Variants in ENPP3 observed in about 807,000 individuals in gnomAD.
The protein encoded by ENPP3 is ectonucleotide pyrophosphatase/phosphodiesterase 3, also known as ectonucleotide pyrophosphatase/phosphodiesterase family member 3.
Under a neutral mutation model 117.8 loss-of-function variants are expected in ENPP3, and 104 were observed. The observed-to-expected ratio is 0.88, with a 90% confidence interval of 0.75 to 1.04. ENPP3 has a LOEUF of 1.04. ENPP3 is among the 50% of genes least tolerant of loss of function. The pLI is 0.00. For synonymous variants in ENPP3, 380 were observed against 349.9 expected (o/e 1.09, Z -0.96); for missense variants, 1,026 against 1,051.9 (o/e 0.98, Z 0.34).
chr6:131,743,104 G>C (rs1448415871), intron 24 of ENPP3, among the ~76,000 whole-genome samples: 2 of 152,176 alleles, frequency 1.3e-5, no homozygotes, highest in East Asian at 3.8e-4. Context: ...AAGAGTAGCT[G>C]TCAATTAGAT....
At chr6:131,734,224 G>A (rs1431483031) in intron 21 of ENPP3, among the ~76,000 whole-genome samples, 1 of 152,146 alleles carries the variant, frequency 6.6e-6, no homozygotes, top group Non-Finnish European at 1.5e-5. Context: ...ATGCTGTAGG[G>A]CTAACAGTTT....
intron 15 of ENPP3, chr6:131,700,926 A>G: frequency 1.4e-6 from 1 of 726,050 alleles, no homozygotes; most frequent in Non-Finnish European, 2.1e-6. Context: ...AAGTAACACA[A>G]GATGAATCAA....
intron 18 of ENPP3, among the ~76,000 whole-genome samples, chr6:131,723,186 T>G (rs1316625020): frequency 6.6e-6 from 1 of 152,204 alleles, no homozygotes; most frequent in Non-Finnish European, 1.5e-5. Flanking sequence ...TAAAAACACC[T>G]GCTGCCTCAG....
chr6:131,674,081 A>G, intron 7 of ENPP3, 81 bp from the exon 8 acceptor site: 1 of 834,442 alleles, frequency 1.2e-6, no homozygotes, highest in Non-Finnish European at 1.9e-6. Context: ...AGGTATGAGT[A>G]ATAGATCGTG....
chr6:131,689,013 C>G (rs1297674941), intron 14 of ENPP3, among the ~76,000 whole-genome samples: 1 of 151,884 alleles, frequency 6.6e-6, no homozygotes, highest in African/African-American at 2.4e-5. Context: ...TTGCAGTGAG[C>G]TGAGATCACG....
intron 15 of ENPP3, among the ~76,000 whole-genome samples, chr6:131,696,792 T>C (rs1779417027): frequency 7.3e-6 from 1 of 137,076 alleles, no homozygotes; most frequent in African/African-American, 2.9e-5. Flanking sequence ...TTTTTTGAAA[T>C]GGAGTCTCGC....
At chr6:131,689,395 T>C (rs1396321114) in intron 14 of ENPP3, among the ~76,000 whole-genome samples, 1 of 152,086 alleles carries the variant, frequency 6.6e-6, no homozygotes, top group East Asian at 1.9e-4. Flanking sequence ...CTGAAAATCC[T>C]AGGGCCCTTA....
intron 5 of ENPP3, 141 bp from the exon 6 acceptor site, chr6:131,658,182 T>C: frequency 7.2e-6 from 4 of 558,498 alleles, no homozygotes; most frequent in Non-Finnish European, 1.2e-5. Flanking sequence ...ATTAAAAAAA[T>C]AAAAAATGAC....
chr6:131,717,955 G>C (rs1336423299), intron 15 of ENPP3, among the ~76,000 whole-genome samples: 2 of 152,180 alleles, frequency 1.3e-5, no homozygotes, highest in Non-Finnish European at 2.9e-5. Context: ...ATGCTGTACA[G>C]GTTTGTAGCT....
chr6:131,658,829 C>T lies in ENPP3; in HGVS notation c.562+409C>T, dbSNP rs142416559. Among the ~76,000 whole-genome samples the T allele has an allele frequency of 1.1e-4, 16 of 152,220 alleles. No homozygotes were observed. The East Asian group carries it at 2.5e-3, about 24-fold the overall frequency. Reference sequence around the variant, plus strand: ...ATCCAGCACCTCCCACCACTTCAGCCGATATCAAGTCCAGGATCTATTTCC... The same window carrying T: ...ATCCAGCACCTCCCACCACTTCAGCTGATATCAAGTCCAGGATCTATTTCC... On this transcript the variant is annotated intron_variant, in intron 6 of 24. Transcript: ENST00000357639.
intron 20 of ENPP3, among the ~76,000 whole-genome samples, chr6:131,729,645 G>A (rs967889965): frequency 6.6e-6 from 1 of 151,830 alleles, no homozygotes; most frequent in African/African-American, 2.4e-5. Context: ...ATGTGTTGGA[G>A]GCGGGGTGGT....
At chr6:131,670,168 A>T (rs1001318869) in intron 6 of ENPP3, among the ~76,000 whole-genome samples, 1 of 152,236 alleles carries the variant, frequency 6.6e-6, no homozygotes, top group African/African-American at 2.4e-5. Context: ...ACTGTACTAA[A>T]AGTAAGAAGC....
At chr6:131,721,401 G>A (rs1421290528) in intron 17 of ENPP3, among the ~76,000 whole-genome samples, 1 of 152,148 alleles carries the variant, frequency 6.6e-6, no homozygotes, top group South Asian at 2.1e-4. Context: ...TGTTCCACAT[G>A]GCTAGGTTTA....
At chr6:131,692,800 TATATATGATATATG>T (rs527601184) in intron 14 of ENPP3, among the ~76,000 whole-genome samples, 1 of 143,832 alleles carries the variant, frequency 7.0e-6, no homozygotes, top group Non-Finnish European at 1.5e-5. Flanking sequence ...AATATGTAGT[TATATATGATATATG>T]ATATATGATA....
At position 131,676,783 on chromosome 6, in the gene ENPP3, A is replaced by G; in HGVS notation, c.920A>G (p.Asp307Gly). The G allele has an allele frequency of 6.2e-7, 1 of 1,610,874 alleles. No homozygotes were observed. Residue 307 changes from aspartate to glycine, a missense_variant, in exon 10 of 25, where the codon GAC (aspartate) becomes GGC (glycine). Asp to Gly is a moderately conservative substitution (Grantham distance 94, BLOSUM62 -1). Transcript: ENST00000357639. ...ATTTCTACACTGTTAAAATGGCTGG[A>G]CCTGCCCAAAGCTGAAAGGTAATGT... ...ERISTLLKWLDLPKAERPRFY... is the reference protein window; with the variant it reads ...ERISTLLKWLGLPKAERPRFY...
At chr6:131,657,872 T>G (rs1347108375) in intron 5 of ENPP3, among the ~76,000 whole-genome samples, 1 of 152,052 alleles carries the variant, frequency 6.6e-6, no homozygotes, top group Non-Finnish European at 1.5e-5. Context: ...ATAACAGAAG[T>G]AAAATTTTAG....
At chr6:131,701,119 C>A (rs1779517432) in intron 15 of ENPP3, 7 of 635,546 alleles carry the variant, frequency 1.1e-5, no homozygotes, top group Non-Finnish European at 1.6e-5. Context: ...ATCATGCGGC[C>A]CGCAAAGGAG....
At chr6:131,670,819 AAAGT>A (rs1778723071) in intron 6 of ENPP3, among the ~76,000 whole-genome samples, 1 of 152,178 alleles carries the variant, frequency 6.6e-6, no homozygotes, top group East Asian at 1.9e-4. Context: ...TGGTTGGAAG[AAAGT>A]AAGAATATTT....
intron 2 of ENPP3, among the ~76,000 whole-genome samples, chr6:131,644,069 G>T (rs1291731171): frequency 6.6e-6 from 1 of 151,980 alleles, no homozygotes; most frequent in Non-Finnish European, 1.5e-5. Flanking sequence ...AAGTGCAAAG[G>T]CCAAAGGCAG....
Sources: gnomAD v4.1 joint callset for allele counts (sites outside exome capture counted in the v4.1 genomes callset) on GRCh38, gnomAD v4.1.1 for gene constraint, MANE v1.5 for transcripts, NCBI Gene and HGNC (gene_info 2026-07-23, HGNC 2026-07-21) for gene names.